IKZF1: variants seen among roughly 807,000 people sequenced by gnomAD.
IKZF1 encodes the protein IKAROS family zinc finger 1.
In IKZF1, 10 loss-of-function variants were observed where a neutral mutation model predicts 51.7. The observed-to-expected ratio is 0.19, with a 90% CI of 0.12 to 0.33. IKZF1 has a LOEUF of 0.33. Ranked by LOEUF, IKZF1 falls within the 10% of genes least tolerant of loss-of-function variation. The pLI is 1.00. For missense variants in IKZF1, 484 were observed against 707.5 expected (o/e 0.68, Z 3.58); for synonymous variants, 280 against 282.3 (o/e 0.99, Z 0.08).
At chr7:50,358,689 A>G (rs1804262444) in intron 3 of IKZF1, among the ~76,000 whole-genome samples, 1 of 152,224 alleles carries the variant, frequency 6.6e-6, no homozygotes, top group African/African-American at 2.4e-5. Flanking sequence ...CTTTATTGTA[A>G]GGGCTAAATA....
At chr7:50,375,286 T>G (rs955761632) in intron 3 of IKZF1, among the ~76,000 whole-genome samples, 1 of 152,094 alleles carries the variant, frequency 6.6e-6, no homozygotes, top group Non-Finnish European at 1.5e-5. Context: ...TGGCTGGATG[T>G]GGTGGTGCAC....
chr7:50,333,659 T>C (rs1796910742), intron 3 of IKZF1, among the ~76,000 whole-genome samples: 4 of 152,246 alleles, frequency 2.6e-5, no homozygotes, highest in African/African-American at 7.2e-5. Flanking sequence ...TTTGCCGAAC[T>C]TCAAGTGGCT....
At chr7:50,399,395 A>C (rs1817537741) in intron 7 of IKZF1, among the ~76,000 whole-genome samples, 1 of 151,434 alleles carries the variant, frequency 6.6e-6, no homozygotes, top group African/African-American at 2.4e-5. Flanking sequence ...TATTAAAATT[A>C]TTAAATACAA....
At chr7:50,329,200 C>T (rs981948904) in intron 3 of IKZF1, among the ~76,000 whole-genome samples, 2 of 149,984 alleles carry the variant, frequency 1.3e-5, no homozygotes, top group African/African-American at 4.9e-5. Flanking sequence ...GTTAATGGCA[C>T]AAACAGATAA....
intron 3 of IKZF1, chr7:50,328,320 G>A (rs1276867264): frequency 6.6e-6 from 1 of 152,156 alleles, no homozygotes; most frequent in Admixed American, 6.5e-5. Flanking sequence ...AACTCCACTG[G>A]TTAACTTACA....
chr7:50,316,863 T>G (rs1273272149), intron 1 of IKZF1, among the ~76,000 whole-genome samples: 2 of 152,232 alleles, frequency 1.3e-5, no homozygotes, highest in African/African-American at 4.8e-5. Flanking sequence ...CATCTTTTTT[T>G]AAGAATTGAA....
At chr7:50,324,797 A>G (rs1016648914) in intron 2 of IKZF1, among the ~76,000 whole-genome samples, 1 of 152,162 alleles carries the variant, frequency 6.6e-6, no homozygotes, top group Non-Finnish European at 1.5e-5. Context: ...ATTTGGATGT[A>G]TTTTAGCATG....
In IKZF1 at chr7:50,327,203, G is replaced by A. The variant is rs1013840555; in HGVS notation, c.41-435G>A. ...TTTAATAATTATAAAAGGACAGAAA[G>A]CAATGTGGACTCAAAAATAGGAAAA... On this transcript the variant is annotated intron_variant, in intron 2 of 7. Coordinates refer to ENST00000331340, the MANE Select transcript of IKZF1 (RefSeq NM_006060.6). Among the ~76,000 whole-genome samples, 10 of 152,256 alleles carry A rather than the reference G, an allele frequency of 6.6e-5. No individual in the cohort carries two copies. The East Asian group carries it at 1.5e-3, about 23-fold the overall frequency.
intron 3 of IKZF1, among the ~76,000 whole-genome samples, chr7:50,343,916 A>G (rs1198701814): frequency 6.6e-6 from 1 of 152,236 alleles, no homozygotes; most frequent in Non-Finnish European, 1.5e-5. Context: ...AGACCTTTGA[A>G]TAAAGTGCTA....
intron 3 of IKZF1, among the ~76,000 whole-genome samples, chr7:50,361,806 G>A (rs545056018): frequency 6.6e-6 from 1 of 152,250 alleles, no homozygotes; most frequent in Admixed American, 6.5e-5. Flanking sequence ...AACCCGGGAG[G>A]AGGAGGTTGC....
In IKZF1 at chr7:50,400,584, C is replaced by G; in HGVS notation, c.1517C>G (p.Ser506Trp). The G allele has an allele frequency of 6.2e-7, 1 of 1,613,278 alleles. No homozygotes were observed. Among genetic ancestry groups the G allele is most frequent in the Non-Finnish European group, 8.5e-7 (1 of 1,179,906 alleles). The stretch of plus-strand genomic sequence containing the variant: ...CACAGCCAGGACCGGTACGAGTTCT[C>G]GTCGCACATAACGCGAGGGGAGCAC... ...GYHSQDRYEFSSHITRGEHRF... is the reference protein window; with the variant it reads ...GYHSQDRYEFWSHITRGEHRF... The change falls in exon 8 of 8, where the codon TCG (serine) becomes TGG (tryptophan). Residue 506 changes from serine (S) to tryptophan (W), a missense_variant. Around this residue, in one of 6 missense-constraint regions of IKZF1, gnomAD observed 42 missense variants for 84.4 expected, o/e 0.50. Transcript: ENST00000331340. The surrounding 1 kb of genome is among the most constrained non-coding windows in gnomAD (Gnocchi z 5.4).
intron 3 of IKZF1, among the ~76,000 whole-genome samples, chr7:50,372,323 T>G (rs1808941440): frequency 6.6e-6 from 1 of 152,208 alleles, no homozygotes; most frequent in Non-Finnish European, 1.5e-5. Flanking sequence ...CGCCCCGTGG[T>G]GACGGTGTTG....
intron 1 of IKZF1, among the ~76,000 whole-genome samples, chr7:50,312,384 G>A (rs1460661679): frequency 6.6e-6 from 1 of 152,160 alleles, no homozygotes; most frequent in East Asian, 1.9e-4. Flanking sequence ...CCTATGAGAG[G>A]GTAGAGACAA....
At chr7:50,392,351 A>T (rs1815354303) in intron 7 of IKZF1, among the ~76,000 whole-genome samples, 1 of 152,192 alleles carries the variant, frequency 6.6e-6, no homozygotes, top group Non-Finnish European at 1.5e-5. Flanking sequence ...GACAGGGCTT[A>T]GCTAGGATTG....
chr7:50,314,745 C>A (rs1167269493), intron 1 of IKZF1, among the ~76,000 whole-genome samples: 20 of 152,290 alleles, frequency 1.3e-4, no homozygotes, highest in Non-Finnish European at 1.5e-5. Context: ...GACCCGCCTC[C>A]ACAGGAGCCC....
intron 3 of IKZF1, among the ~76,000 whole-genome samples, chr7:50,360,355 C>T (rs899028410): frequency 1.3e-5 from 2 of 152,030 alleles, no homozygotes; most frequent in Admixed American, 6.5e-5. Context: ...TTCAGTTGAT[C>T]GCTTAGGTGG....
chr7:50,327,676 G>A lies in IKZF1; in HGVS notation c.79G>A (p.Gly27Ser), dbSNP rs749271573. 5.0e-6 allele frequency: 8 copies of A among 1,613,592 alleles called. 1 individual carries two copies. The South Asian group carries it at 5.5e-5, about 11-fold the overall frequency. The change falls in exon 3 of 8, where the codon GGC becomes AGC. Residue 27 changes from glycine to serine, a missense_variant. Gly to Ser is a moderately conservative substitution (Grantham distance 56, BLOSUM62 0). Coordinates refer to ENST00000331340, the MANE Select transcript of IKZF1 (RefSeq NM_006060.6). The part of the protein sequence containing the change: ...SPPVSDTPDE[G>S]DEPMPIPEDL... ...CCCTGTAAGCGATACTCCAGATGAG[G>A]GCGATGAGCCCATGCCGATCCCCGA...
chr7:50,358,521 G>A (rs1002982636), intron 3 of IKZF1, among the ~76,000 whole-genome samples: 52 of 152,184 alleles, frequency 3.4e-4, no homozygotes, highest in African/African-American at 1.2e-3. Flanking sequence ...TGAGGCTGGC[G>A]TTTTCTTTGG....
intron 7 of IKZF1, among the ~76,000 whole-genome samples, chr7:50,396,373 A>G (rs1026955471): frequency 1.2e-4 from 19 of 152,052 alleles, no homozygotes; most frequent in African/African-American, 4.1e-4. Flanking sequence ...TTTTATAATA[A>G]TATTATTTTG....
Sources: allele counts gnomAD v4.1 joint callset (sites outside exome capture counted in the v4.1 genomes callset), GRCh38; gene constraint gnomAD v4.1.1; regional missense constraint gnomAD v4.1.1; non-coding constraint Gnocchi (gnomAD v3.1); transcripts MANE v1.5; gene names NCBI Gene and HGNC (gene_info 2026-07-23, HGNC 2026-07-21).